HHIP: variants seen among roughly 807,000 people sequenced by gnomAD.
The protein encoded by HHIP is hedgehog interacting protein.
In HHIP, 12 loss-of-function variants were observed where a neutral mutation model predicts 74.0. The observed-to-expected ratio is 0.16, with a 90% CI of 0.10 to 0.26. The LOEUF (loss-of-function observed/expected upper bound fraction) is 0.26, where lower values mean the gene tolerates loss of function less well. HHIP is among the 10% of genes least tolerant of loss of function. HHIP has a pLI of 1.00. For synonymous variants in HHIP, 309 were observed against 311.6 expected (o/e 0.99, Z 0.09); for missense variants, 788 against 845.0 (o/e 0.93, Z 0.84).
chr4:144,719,055 C>A, intron 11 of HHIP, 99 bp downstream of exon 11: 1 of 770,242 alleles, frequency 1.3e-6, no homozygotes. Flanking sequence ...TAGCAATCAG[C>A]CAAGATGTAC....
chr4:144,711,204 C>T (rs1002120139), intron 7 of HHIP, among the ~76,000 whole-genome samples: 5 of 152,142 alleles, frequency 3.3e-5, no homozygotes, highest in South Asian at 2.1e-4. Context: ...CACATGTTTT[C>T]CTGTGTTAGA....
intron 4 of HHIP, among the ~76,000 whole-genome samples, chr4:144,663,768 T>C (rs1467471733): frequency 6.6e-6 from 1 of 152,214 alleles, no homozygotes; most frequent in Non-Finnish European, 1.5e-5. Flanking sequence ...AATCTGGTGC[T>C]CAGCTAGTTG....
Position 144,738,465 on chromosome 4 carries a change from T to C in HHIP, c.*508T>C, listed in dbSNP as rs1578735815. 1 of 981,006 alleles carries C rather than the reference T, an allele frequency of 1.0e-6. No individual in the cohort carries two copies. Among genetic ancestry groups the C allele is most frequent in the East Asian group, 1.1e-4 (1 of 8,806 alleles). 60.8% of individuals were successfully genotyped at this position (981,006 alleles called of 1,614,324 possible). On this transcript the variant is annotated 3_prime_UTR_variant, in exon 13 of 13. Coordinates refer to ENST00000296575, the MANE Select transcript of HHIP (RefSeq NM_022475.3). ...GAATTTCTAAGTGAGCAACTTGATA[T>C]AAAATTGTAATCTTCATTTTTGTCA...
chr4:144,712,106 T>C, intron 8 of HHIP, 35 bp downstream of exon 8: 2 of 1,587,164 alleles, frequency 1.3e-6, no homozygotes, highest in Non-Finnish European at 1.7e-6. Flanking sequence ...TTTGCTTTAG[T>C]TCAAGTTTTG....
chr4:144,737,695 T>G, intron 12 of HHIP, 69 bp from the exon 13 acceptor site: 1 of 1,326,350 alleles, frequency 7.5e-7, no homozygotes, highest in Non-Finnish European at 1.0e-6. Flanking sequence ...TATTTGTTGG[T>G]CTCATGCTCA....
chr4:144,708,344 TTA>T, intron 7 of HHIP, 33 bp downstream of exon 7: 2 of 1,611,436 alleles, frequency 1.2e-6, no homozygotes, highest in Non-Finnish European at 8.5e-7. Flanking sequence ...TCACTGGCTT[TTA>T]AGCCAGGCGG....
chr4:144,703,612 G>A (rs1730049200), intron 4 of HHIP, among the ~76,000 whole-genome samples: 1 of 152,150 alleles, frequency 6.6e-6, no homozygotes, highest in African/African-American at 2.4e-5. Context: ...CTTTGGGCTA[G>A]GGGATCAGAC....
chr4:144,699,191 C>T (rs899957153), intron 4 of HHIP, among the ~76,000 whole-genome samples: 7 of 152,296 alleles, frequency 4.6e-5, no homozygotes, highest in Admixed American at 2.0e-4. Flanking sequence ...ACATTTCTGC[C>T]GAGCAGGCTA....
intron 11 of HHIP, among the ~76,000 whole-genome samples, chr4:144,719,892 T>A (rs908019290): frequency 3.3e-5 from 5 of 152,220 alleles, no homozygotes; most frequent in Non-Finnish European, 7.3e-5. Flanking sequence ...TCTGAAAAGT[T>A]TACTAAGGGC....
chr4:144,647,002 G>T (rs1314223109), intron 1 of HHIP, 48 bp downstream of exon 1: 4 of 1,516,286 alleles, frequency 2.6e-6, no homozygotes, highest in South Asian at 1.3e-5. Context: ...TATTGGCTGG[G>T]TGGGGTTCCC....
chr4:144,653,744 A>G (rs961961634), intron 2 of HHIP, among the ~76,000 whole-genome samples: 2 of 152,124 alleles, frequency 1.3e-5, no homozygotes, highest in African/African-American at 4.8e-5. Context: ...CTGACCCAGG[A>G]AAGTGTAGAC....
intron 4 of HHIP, among the ~76,000 whole-genome samples, chr4:144,704,831 A>G (rs1228448425): frequency 2.0e-5 from 3 of 152,364 alleles, no homozygotes; most frequent in African/African-American, 7.2e-5. Context: ...GCTTCTCTAC[A>G]GTCAAATTGT....
At chr4:144,668,482 A>G (rs554157116) in intron 4 of HHIP, among the ~76,000 whole-genome samples, 2 of 152,274 alleles carry the variant, frequency 1.3e-5, no homozygotes, top group Admixed American at 6.5e-5. Context: ...GGCCGCTCTT[A>G]GTGGCTCACG....
chr4:144,707,303 A>C, intron 6 of HHIP, 43 bp downstream of exon 6: 1 of 1,484,124 alleles, frequency 6.7e-7, no homozygotes, highest in East Asian at 2.3e-5. Flanking sequence ...AGGTTAAAAT[A>C]GTTTAAGTGC....
Position 144,740,536 on chromosome 4 carries a change from G to A in HHIP, c.*2579G>A, listed in dbSNP as rs2126699786. 6.6e-6 allele frequency: 1 copy of A among 152,326 alleles called. No individual in the cohort carries two copies. Among genetic ancestry groups the A allele is most frequent in the Middle Eastern group, 3.4e-3 (1 of 294 alleles). 9.4% of individuals were successfully genotyped at this position (152,326 alleles called of 1,614,324 possible). A position where few individuals can be genotyped will look rare whatever the true frequency, so the allele number is the denominator to read the frequency against. On this transcript the variant is annotated 3_prime_UTR_variant, in exon 13 of 13. Transcript: ENST00000296575. The stretch of plus-strand genomic sequence containing the variant: ...TCTGTTCTTAGGAGAAAAGTAGATA[G>A]CACTGGCTAATTGATGGCAACATAT...
At chr4:144,667,557 T>C (rs930712994) in intron 4 of HHIP, among the ~76,000 whole-genome samples, 15 of 152,194 alleles carry the variant, frequency 9.9e-5, no homozygotes, top group African/African-American at 3.4e-4. Context: ...ACAACACCTT[T>C]TGACAGCATC....
Position 144,717,561 on chromosome 4 carries a change from T to C in HHIP, c.1679-1314T>C, listed in dbSNP as rs563574475. On this transcript the variant is annotated intron_variant, in intron 10 of 12. Transcript: ENST00000296575. ...CTTTATAAATGTGTAATTATAAATA[T>C]GGCTTCAAATTTTCTATTCACATGA... Among the ~76,000 whole-genome samples, 261 of 152,292 alleles carry C rather than the reference T, an allele frequency of 1.7e-3. 2 individuals are homozygous for C. Among genetic ancestry groups the C allele is most frequent in the African/African-American group, 6.1e-3 (252 of 41,562 alleles).
intron 4 of HHIP, among the ~76,000 whole-genome samples, chr4:144,679,555 TGTAA>T (rs1729276583): frequency 6.6e-6 from 1 of 152,268 alleles, no homozygotes; most frequent in South Asian, 2.1e-4. Context: ...TTGTATAAAG[TGTAA>T]GTAAGGGGTC....
intron 10 of HHIP, among the ~76,000 whole-genome samples, chr4:144,717,262 A>G (rs1422682174): frequency 6.6e-6 from 1 of 152,176 alleles, no homozygotes; most frequent in Admixed American, 6.5e-5. Context: ...GGGACTTTGC[A>G]TATTATTTTT....
Sources: gnomAD v4.1 joint callset for allele counts (sites outside exome capture counted in the v4.1 genomes callset) on GRCh38, gnomAD v4.1.1 for gene constraint, MANE v1.5 for transcripts, NCBI Gene and HGNC (gene_info 2026-07-23, HGNC 2026-07-21) for gene names.